The following PSTPIP2 variants were observed in gnomAD, a reference collection of about 807,000 sequenced individuals.
PSTPIP2 encodes the protein proline-serine-threonine phosphatase interacting protein 2, also known as proline-serine-threonine phosphatase-interacting protein 2.
In PSTPIP2, 33 loss-of-function variants were observed where a neutral mutation model predicts 63.3. The observed-to-expected ratio is 0.52, with a 90% CI of 0.40 to 0.70. PSTPIP2 has a LOEUF of 0.70. Ranked by LOEUF, PSTPIP2 falls within the 30% of genes least tolerant of loss-of-function variation. The probability of loss-of-function intolerance (pLI) is 0.00; values close to 1 mark genes in which losing one functional copy is unlikely to be tolerated. For missense variants in PSTPIP2, 312 were observed against 400.7 expected, an observed-to-expected ratio of 0.78 and a Z score of 1.89; for synonymous variants, 125 against 132.7, an observed-to-expected ratio of 0.94 and a Z score of 0.40.
intron 5 of PSTPIP2, 152 bp downstream of exon 5, chr18:46,011,029 G>C (rs2051789930): frequency 1.5e-6 from 1 of 657,470 alleles, no homozygotes; most frequent in Non-Finnish European, 2.7e-6. Context: ...ATACCCATCT[G>C]GACTGAGTCC....
chr18:46,029,221 G>GA, intron 2 of PSTPIP2: 1 of 1,083,404 alleles, frequency 9.2e-7, no homozygotes, highest in Non-Finnish European at 1.4e-6. Flanking sequence ...TGAGAGGTTT[G>GA]AAAGAAGATA....
At chr18:46,030,700 A>C in intron 2 of PSTPIP2, among the ~76,000 whole-genome samples, 1 of 152,224 alleles carries the variant, frequency 6.6e-6, no homozygotes, top group Admixed American at 6.5e-5. Flanking sequence ...TTGCCAAAAT[A>C]GTTCAAGGGT....
At chr18:46,049,656 C>T (rs781180736) in intron 1 of PSTPIP2, among the ~76,000 whole-genome samples, 4 of 152,216 alleles carry the variant, frequency 2.6e-5, no homozygotes, top group East Asian at 1.9e-4. Flanking sequence ...CCGAAGCAGG[C>T]GGATCACTAG....
At chr18:45,988,052 C>CT (rs2144054771) in intron 14 of PSTPIP2, among the ~76,000 whole-genome samples, 1 of 152,256 alleles carries the variant, frequency 6.6e-6, no homozygotes, top group Admixed American at 6.5e-5. Context: ...ATCTAAATTA[C>CT]TTTAACAGTG....
At chr18:46,000,450 T>C (rs55926577) in intron 6 of PSTPIP2, among the ~76,000 whole-genome samples, 6,780 of 152,238 alleles carry the variant, frequency 0.045, 495 homozygotes, top group African/African-American at 0.15. Context: ...CACTGCAGCC[T>C]CTGACTCCTG....
intron 6 of PSTPIP2, among the ~76,000 whole-genome samples, chr18:46,003,553 G>A (rs1193089926): frequency 6.6e-6 from 1 of 151,930 alleles, no homozygotes; most frequent in Non-Finnish European, 1.5e-5. Flanking sequence ...AGAGAGAACA[G>A]GTTTTTCTTG....
intron 1 of PSTPIP2, among the ~76,000 whole-genome samples, chr18:46,055,410 C>T (rs1387324225): frequency 1.3e-5 from 2 of 152,194 alleles, no homozygotes; most frequent in Non-Finnish European, 2.9e-5. Flanking sequence ...CAGCTCACTG[C>T]ATTGGGCTCA....
At chr18:46,039,813 TATC>T in intron 2 of PSTPIP2, 131 bp downstream of exon 2, 1 of 735,842 alleles carries the variant, frequency 1.4e-6, no homozygotes, top group Non-Finnish European at 2.3e-6. Flanking sequence ...ACTTCTCAGG[TATC>T]ATTCCATAAC....
chr18:46,037,581 A>T (rs1908026888), intron 2 of PSTPIP2, among the ~76,000 whole-genome samples: 1 of 152,236 alleles, frequency 6.6e-6, no homozygotes, highest in African/African-American at 2.4e-5. Flanking sequence ...CCACCCGAAC[A>T]AGAGGAAAGC....
intron 2 of PSTPIP2, among the ~76,000 whole-genome samples, chr18:46,034,652 G>A (rs778032388): frequency 2.8e-4 from 43 of 152,088 alleles, no homozygotes; most frequent in Non-Finnish European, 5.4e-4. Context: ...TACTGTACTG[G>A]GCACAGTGTA....
rs1043571445 is a variant in PSTPIP2, at chr18:45,998,810, G to T, written c.546C>A (p.Thr182=). 4 of 1,613,398 alleles carry T rather than the reference G, an allele frequency of 2.5e-6. No individual in the cohort carries two copies. The East Asian group carries it at 8.9e-5, about 36-fold the overall frequency. ...CCCCCTCACCTGAGTCCTCTACTGC[G>T]GTCTTTGAAGTTGCCAGTTTCACAA... The part of the protein sequence containing the change: ...KLFVKLATSK[T]AVEDSDKAYM... The change falls in exon 8 of 15, where the codon ACC becomes ACA. Residue 182 remains threonine (T), a synonymous_variant. Transcript: ENST00000409746.
At chr18:46,018,400 CT>C (rs60170978) in intron 3 of PSTPIP2, among the ~76,000 whole-genome samples, 80 of 147,416 alleles carry the variant, frequency 5.4e-4, no homozygotes, top group Middle Eastern at 3.5e-3. Flanking sequence ...TCGTTGATAT[CT>C]TTTTTTTTTT....
intron 13 of PSTPIP2, chr18:45,989,744 T>G (rs777001200): frequency 5.9e-5 from 9 of 152,226 alleles, no homozygotes; most frequent in South Asian, 2.1e-4. Context: ...TGCAGGGGAA[T>G]GCAGCTACTC....
At chr18:46,012,550 G>GT (rs566065796) in intron 4 of PSTPIP2, among the ~76,000 whole-genome samples, 210 of 152,340 alleles carry the variant, frequency 1.4e-3, no homozygotes, top group African/African-American at 4.9e-3. Context: ...TGAGGTGGGT[G>GT]TATCACGAGG....
In PSTPIP2 at chr18:46,032,408, T is replaced by C. The variant is rs527413860; in HGVS notation, c.134+7539A>G. ...AAACCCCAACTCCCTTTGACCTCGCTTCTATCCAAATTCCCAGACCAGGAA... is the reference window on the plus strand; with the variant it reads ...AAACCCCAACTCCCTTTGACCTCGCCTCTATCCAAATTCCCAGACCAGGAA... On this transcript the variant is annotated intron_variant, in intron 2 of 14. Transcript: ENST00000409746. Among the ~76,000 whole-genome samples, 6 of 152,252 alleles carry C rather than the reference T, an allele frequency of 3.9e-5. No individual in the cohort carries two copies. The East Asian group carries it at 1.2e-3, about 29-fold the overall frequency.
At chr18:46,040,604 A>C (rs949136638) in intron 1 of PSTPIP2, among the ~76,000 whole-genome samples, 4 of 152,212 alleles carry the variant, frequency 2.6e-5, no homozygotes, top group Admixed American at 2.6e-4. Flanking sequence ...GGTGCCCTGC[A>C]ATAAATGCCT....
chr18:46,065,394 C>T (rs1296722441), intron 1 of PSTPIP2, among the ~76,000 whole-genome samples: 10 of 150,894 alleles, frequency 6.6e-5, no homozygotes, highest in Admixed American at 3.3e-4. Flanking sequence ...TGGGTTCAAA[C>T]GATTCTCCTG....
intron 5 of PSTPIP2, among the ~76,000 whole-genome samples, chr18:46,009,363 A>G (rs1024189827): frequency 5.4e-5 from 2 of 37,004 alleles, no homozygotes; most frequent in South Asian, 1.1e-3. Flanking sequence ...TTTATGGTGT[A>G]AAAAAAAAAA....
At position 45,984,261 on chromosome 18, in the gene PSTPIP2, A is replaced by G. The variant is rs2051445710; in HGVS notation, c.*1198T>C. ...GAGGAAACTATTTGCTCTCTGTAAT[A>G]CTGAAAAACTGAGAGTGCTATTTTA... On this transcript the variant is annotated 3_prime_UTR_variant, in exon 15 of 15. Transcript: ENST00000409746. The G allele has an allele frequency of 6.6e-6, 1 of 152,206 alleles. No individual in the cohort carries two copies. The highest frequency in any genetic ancestry group is 6.6e-5 in the Admixed American group (1 of 15,266). The allele number at this position is 152,206 out of a possible 1,614,324, so 9.4% of individuals were successfully genotyped here.
Sources: gnomAD v4.1 joint callset for allele counts (sites outside exome capture counted in the v4.1 genomes callset) on GRCh38, gnomAD v4.1.1 for gene constraint, MANE v1.5 for transcripts, NCBI Gene and HGNC (gene_info 2026-07-23, HGNC 2026-07-21) for gene names.